The following PCLO variants were observed in gnomAD, a reference collection of about 807,000 sequenced individuals.
PCLO encodes protein piccolo.
In PCLO, 82 loss-of-function variants were observed where a neutral mutation model predicts 427.5. That is an observed-to-expected ratio of 0.19 (90% CI 0.16 to 0.23). The LOEUF (loss-of-function observed/expected upper bound fraction) is 0.23, where lower values mean the gene tolerates loss of function less well. Among genes scored for constraint, PCLO ranks in the 10% least tolerant of loss-of-function variants. PCLO has a pLI of 1.00. For missense variants in PCLO, 6,239 were observed against 6,115.9 expected (o/e 1.02, Z -0.67); for synonymous variants, 2,357 against 2,155.4 (o/e 1.09, Z -2.59).
rs1356043658 is a variant in PCLO at position 82,909,007 on chromosome 7, T to C, written c.13307A>G (p.His4436Arg). 3 of 1,612,492 alleles carry C rather than the reference T, an allele frequency of 1.9e-6. No homozygotes were observed. Among genetic ancestry groups the C allele is most frequent in the Non-Finnish European group, 2.5e-6 (3 of 1,179,050 alleles). Residue 4436 changes from histidine (H) to arginine (R), a missense_variant, in exon 8 of 25, where the codon CAT becomes CGT. His to Arg is a conservative substitution (Grantham distance 29, BLOSUM62 0). Around this residue, in one of 5 missense-constraint regions of PCLO, gnomAD observed 877 missense variants for 925.5 expected, o/e 0.95. Transcript: ENST00000333891. ...QHAMSDSEAY[H>R]LRREETDWFD... ...CCAATCTGTTTCCTCACGACGCAGATGATAGGCTTTGGACACCAAGGAAAC... is the reference window on the plus strand; with the variant it reads ...CCAATCTGTTTCCTCACGACGCAGACGATAGGCTTTGGACACCAAGGAAAC...
chr7:82,953,789 A>G lies in PCLO; in HGVS notation c.7164T>C (p.Ala2388=). The G allele has an allele frequency of 6.3e-7, 1 of 1,593,066 alleles. No individual in the cohort carries two copies. Among genetic ancestry groups the G allele is most frequent in the Non-Finnish European group, 8.6e-7 (1 of 1,168,844 alleles). Residue 2388 remains alanine (A), a synonymous_variant, in exon 5 of 25, where the codon GCT becomes GCC. Transcript: ENST00000333891. ...AACTTCTAAAGAATGGGCGAGGTTT[A>G]GCTGGAAGAGAGGAAACAGAAGGAC... ...SGSPSVSSLP[A]KPRPFFRSSS...
intron 6 of PCLO, among the ~76,000 whole-genome samples, chr7:82,946,422 C>T (rs1795204992): frequency 6.6e-6 from 1 of 152,096 alleles, no homozygotes; most frequent in Non-Finnish European, 1.5e-5. Context: ...CAATTAAATA[C>T]ACAATATAAT....
chr7:83,066,826 C>T (rs938048882), intron 3 of PCLO, among the ~76,000 whole-genome samples: 7 of 152,120 alleles, frequency 4.6e-5, no homozygotes, highest in East Asian at 1.9e-4. Flanking sequence ...TGAGATGGAG[C>T]GCTGTTCTTC....
intron 7 of PCLO, among the ~76,000 whole-genome samples, chr7:82,914,022 T>G (rs1794384657): frequency 6.6e-6 from 1 of 152,086 alleles, no homozygotes; most frequent in African/African-American, 2.4e-5. Flanking sequence ...ATGTCTTATT[T>G]AGTACTAAAC....
intron 16 of PCLO, among the ~76,000 whole-genome samples, chr7:82,829,858 T>C (rs1486830692): frequency 6.6e-6 from 1 of 152,108 alleles, no homozygotes; most frequent in Non-Finnish European, 1.5e-5. Context: ...TACATTGTGA[T>C]ATATTCATTT....
Position 82,952,808 on chromosome 7 carries a change from A to G in PCLO, c.8145T>C (p.Tyr2715=), listed in dbSNP as rs1795391855. The change falls in exon 5 of 25, where the codon TAT becomes TAC. Residue 2715 remains tyrosine, a synonymous_variant. Coordinates refer to ENST00000333891, the MANE Select transcript of PCLO (RefSeq NM_033026.6). ...LDNIHLEKPQ[Y]KEDGKLQLVG... is the part of the protein sequence containing the mutation. ...CAAGTTGCAATTTTCCATCTTCTTTATACTGAGGCTTCTCTAAATGTATGT... is the reference window on the plus strand; with the variant it reads ...CAAGTTGCAATTTTCCATCTTCTTTGTACTGAGGCTTCTCTAAATGTATGT... 6.2e-7 allele frequency: 1 copy of G among 1,613,640 alleles called. No homozygotes were observed. Among genetic ancestry groups the G allele is most frequent in the African/African-American group, 1.3e-5 (1 of 74,898 alleles).
At chr7:82,889,329 C>A (rs1793704109) in intron 9 of PCLO, among the ~76,000 whole-genome samples, 1 of 152,010 alleles carries the variant, frequency 6.6e-6, no homozygotes, top group Non-Finnish European at 1.5e-5. Context: ...TCCCTCACCA[C>A]CAGGATGCTT....
intron 2 of PCLO, 138 bp downstream of exon 2, chr7:83,154,610 G>A (rs1792219009): frequency 1.4e-6 from 1 of 696,754 alleles, no homozygotes; most frequent in African/African-American, 1.8e-5. Flanking sequence ...ACAACTGGCA[G>A]AAAACAAAAC....
intron 3 of PCLO, among the ~76,000 whole-genome samples, chr7:83,039,461 A>C (rs1464454991): frequency 2.0e-5 from 3 of 152,102 alleles, no homozygotes; most frequent in East Asian, 3.9e-4. Context: ...TCTGTTGAAA[A>C]GACTATTGTG....
chr7:83,028,186 A>G (rs1433980335), intron 3 of PCLO, among the ~76,000 whole-genome samples: 2 of 152,148 alleles, frequency 1.3e-5, no homozygotes, highest in Admixed American at 1.3e-4. Context: ...TGCAGATGAC[A>G]TGATTGTATA....
chr7:82,790,756 A>G (rs116435308), intron 22 of PCLO, among the ~76,000 whole-genome samples: 2,688 of 152,330 alleles, frequency 0.018, 73 homozygotes, highest in African/African-American at 0.06. Context: ...CAGAGTTACT[A>G]TACTTTTAAG....
chr7:82,968,517 C>CTTTTTTTTTTTTTTTTTTTT (rs11324005), intron 3 of PCLO, among the ~76,000 whole-genome samples: 6 of 73,224 alleles, frequency 8.2e-5, no homozygotes, highest in African/African-American at 2.9e-4. Flanking sequence ...CAGAGTCTGA[C>CTTTTTTTTTTTTTTTTTTTT]TTTTTTTTTT....
At chr7:82,900,158 T>A (rs1241120110) in intron 9 of PCLO, among the ~76,000 whole-genome samples, 1 of 151,554 alleles carries the variant, frequency 6.6e-6, no homozygotes, top group African/African-American at 2.4e-5. Flanking sequence ...AGAAGAAAAG[T>A]TACCTACTCT....
chr7:83,157,929 A>G (rs1792340666), intron 1 of PCLO, among the ~76,000 whole-genome samples: 2 of 152,076 alleles, frequency 1.3e-5, no homozygotes, highest in Non-Finnish European at 2.9e-5. Context: ...CAGACTACAA[A>G]TATTTTATTT....
intron 21 of PCLO, 26 bp from the exon 22 acceptor site, chr7:82,801,617 A>ATAT (rs747754813): frequency 7.3e-7 from 1 of 1,365,978 alleles, no homozygotes; most frequent in South Asian, 1.2e-5. Context: ...ATAAAATGAT[A>ATAT]TATTCAGTTA....
At chr7:83,109,857 C>T (rs560149868) in intron 3 of PCLO, among the ~76,000 whole-genome samples, 1 of 151,714 alleles carries the variant, frequency 6.6e-6, no homozygotes, top group Admixed American at 6.6e-5. Context: ...TAATAATCAG[C>T]TATTATTTTA....
intron 14 of PCLO, among the ~76,000 whole-genome samples, chr7:82,840,183 C>G (rs1484209465): frequency 6.6e-6 from 1 of 151,988 alleles, no homozygotes; most frequent in Admixed American, 6.6e-5. Flanking sequence ...GAAGAAAGAT[C>G]AAGTCAGTGA....
chr7:83,027,170 G>T (rs917268608), intron 3 of PCLO, among the ~76,000 whole-genome samples: 39 of 136,130 alleles, frequency 2.9e-4, no homozygotes, highest in African/African-American at 1.0e-3. Context: ...TCCAGGAGCT[G>T]GTTTTTTGAA....
intron 16 of PCLO, 144 bp downstream of exon 16, chr7:82,835,523 C>T: frequency 1.6e-6 from 1 of 612,526 alleles, no homozygotes; most frequent in Non-Finnish European, 2.9e-6. Context: ...CAATTTGTCG[C>T]AGTGCTGATT....
Sources: gnomAD v4.1 joint callset for allele counts (sites outside exome capture counted in the v4.1 genomes callset) on GRCh38, gnomAD v4.1.1 for gene constraint, gnomAD v4.1.1 regional missense constraint, MANE v1.5 for transcripts, NCBI Gene and HGNC (gene_info 2026-07-23, HGNC 2026-07-21) for gene names.